SLIT3: variants seen among roughly 807,000 people sequenced by gnomAD.
SLIT3 encodes the protein slit homolog 3 protein.
In SLIT3, 68 loss-of-function variants were observed where a neutral mutation model predicts 184.0. The observed-to-expected ratio is 0.37, with a 90% CI of 0.30 to 0.45. SLIT3 has a LOEUF of 0.45. Ranked by LOEUF, SLIT3 falls within the 20% of genes least tolerant of loss-of-function variation. The pLI, the probability that SLIT3 is intolerant of heterozygous loss-of-function variation, is 1.00. For synonymous variants in SLIT3, 831 were observed against 828.6 expected (o/e 1.00, Z -0.05); for missense variants, 1,707 against 2,026.0 (o/e 0.84, Z 3.02).
intron 3 of SLIT3, among the ~76,000 whole-genome samples, chr5:169,227,798 C>T (rs374004079): frequency 7.2e-5 from 11 of 152,344 alleles, no homozygotes; most frequent in Admixed American, 2.0e-4. Context: ...TACCCCCTTT[C>T]GCAGATGAGG....
intron 4 of SLIT3, among the ~76,000 whole-genome samples, chr5:169,050,152 ACTGT>A (rs1757765677): frequency 6.6e-6 from 1 of 152,178 alleles, no homozygotes; most frequent in South Asian, 2.1e-4. Flanking sequence ...GCTGGGCCAC[ACTGT>A]CTGATGTTAA....
chr5:169,222,308 A>G (rs1764640600), intron 3 of SLIT3, among the ~76,000 whole-genome samples: 1 of 152,226 alleles, frequency 6.6e-6, no homozygotes, highest in Admixed American at 6.5e-5. Context: ...TCTAACATAC[A>G]TCACCAAAAA....
At chr5:168,717,423 G>T (rs1200472903) in intron 23 of SLIT3, among the ~76,000 whole-genome samples, 2 of 151,720 alleles carry the variant, frequency 1.3e-5, no homozygotes, top group African/African-American at 4.9e-5. Flanking sequence ...TGGGTTAGGT[G>T]CCTCTCACTT....
At chr5:169,015,706 G>A (rs571792000) in intron 4 of SLIT3, among the ~76,000 whole-genome samples, 5 of 152,194 alleles carry the variant, frequency 3.3e-5, no homozygotes, top group South Asian at 4.2e-4. Flanking sequence ...TGAGGCAAGA[G>A]AATACAAGAC....
rs772242728 is a variant in SLIT3, at chr5:168,708,095, C to T, written c.2725G>A (p.Val909Met). Reference protein sequence around the residue: ...PTHRFQCKGPVDINIVAKCNA... With the variant: ...PTHRFQCKGPMDINIVAKCNA... ...CATTTGGCCACAATGTTGATGTCCA[C>T]TGGCCCTGGGCAGCAAAACCAGAGT... Residue 909 changes from valine to methionine, a missense_variant, in exon 26 of 36, where the codon GTG becomes ATG. Physicochemically the swap from Val to Met is conservative, Grantham distance 21 (BLOSUM62 1). Coordinates refer to ENST00000519560, the MANE Select transcript of SLIT3 (RefSeq NM_003062.4). The T allele has an allele frequency of 3.1e-6, 5 of 1,614,106 alleles. No homozygotes were observed. Among genetic ancestry groups the T allele is most frequent in the Non-Finnish European group, 4.2e-6 (5 of 1,180,044 alleles).
At chr5:168,753,277 G>A (rs1321941653) in intron 17 of SLIT3, among the ~76,000 whole-genome samples, 179 bp from the exon 18 acceptor site, 4 of 152,254 alleles carry the variant, frequency 2.6e-5, no homozygotes, top group African/African-American at 9.6e-5. Context: ...CTGGGGCTGT[G>A]TGTAAATGTG....
At chr5:168,709,691 G>C (rs1274072744) in intron 25 of SLIT3, among the ~76,000 whole-genome samples, 1 of 152,238 alleles carries the variant, frequency 6.6e-6, no homozygotes, top group African/African-American at 2.4e-5. Context: ...GGTAATTAAA[G>C]TGTATCTATA....
chr5:168,977,978 C>T (rs1386912323), intron 4 of SLIT3, among the ~76,000 whole-genome samples: 3 of 152,166 alleles, frequency 2.0e-5, no homozygotes, highest in African/African-American at 4.8e-5. Flanking sequence ...TCTGTCCTCT[C>T]GCTCCCATTT....
chr5:168,721,173 G>A (rs1762930783), intron 23 of SLIT3, among the ~76,000 whole-genome samples: 1 of 152,140 alleles, frequency 6.6e-6, no homozygotes, highest in Non-Finnish European at 1.5e-5. Flanking sequence ...GGAGTATCTG[G>A]CATCTCTGTT....
At chr5:168,680,132 C>T (rs1420673079) in intron 32 of SLIT3, among the ~76,000 whole-genome samples, 1 of 152,260 alleles carries the variant, frequency 6.6e-6, no homozygotes, top group Admixed American at 6.5e-5. Flanking sequence ...TGGGGCTCCA[C>T]CCTTTAGGCT....
At chr5:169,001,158 T>C (rs1755690724) in intron 4 of SLIT3, among the ~76,000 whole-genome samples, 1 of 152,242 alleles carries the variant, frequency 6.6e-6, no homozygotes, top group Non-Finnish European at 1.5e-5. Context: ...AATGAGCATC[T>C]GATGAGGATG....
At chr5:169,138,080 C>T (rs770650691) in intron 4 of SLIT3, among the ~76,000 whole-genome samples, 1 of 152,196 alleles carries the variant, frequency 6.6e-6, no homozygotes, top group Non-Finnish European at 1.5e-5. Flanking sequence ...CTCTAGGCCT[C>T]AGTTTTCTCA....
At chr5:169,230,386 C>T (rs184263095) in intron 3 of SLIT3, among the ~76,000 whole-genome samples, 2 of 152,304 alleles carry the variant, frequency 1.3e-5, no homozygotes, top group African/African-American at 2.4e-5. Context: ...AGGAACATAA[C>T]GCACATAACA....
At chr5:169,239,021 A>G (rs1457776283) in intron 3 of SLIT3, among the ~76,000 whole-genome samples, 1 of 152,158 alleles carries the variant, frequency 6.6e-6, no homozygotes, top group Non-Finnish European at 1.5e-5. Flanking sequence ...ATGAGATACC[A>G]CAACAGTCTT....
chr5:168,695,458 G>T (rs1315768198), intron 28 of SLIT3, among the ~76,000 whole-genome samples: 2 of 152,176 alleles, frequency 1.3e-5, no homozygotes, highest in Non-Finnish European at 2.9e-5. Context: ...ACACCAAGAA[G>T]AAGGTTATTA....
chr5:168,688,335 G>C (rs569860534), intron 29 of SLIT3, among the ~76,000 whole-genome samples: 2 of 152,254 alleles, frequency 1.3e-5, no homozygotes, highest in East Asian at 3.9e-4. Context: ...GTGAGGGTTG[G>C]GGGGAAGCAA....
At chr5:169,256,086 T>C (rs1456294969) in intron 1 of SLIT3, among the ~76,000 whole-genome samples, 4 of 152,132 alleles carry the variant, frequency 2.6e-5, no homozygotes, top group Non-Finnish European at 5.9e-5. Context: ...GGTAAGTACC[T>C]ATTTAGGTAT....
chr5:169,225,425 G>A (rs1281899759), intron 3 of SLIT3, among the ~76,000 whole-genome samples: 1 of 152,236 alleles, frequency 6.6e-6, no homozygotes, highest in Non-Finnish European at 1.5e-5. Context: ...TTCCAAAGCA[G>A]GACGCTGCTC....
intron 4 of SLIT3, among the ~76,000 whole-genome samples, chr5:169,133,002 G>A (rs1011427103): frequency 6.6e-6 from 1 of 151,996 alleles, no homozygotes; most frequent in Admixed American, 6.6e-5. Flanking sequence ...TTTTCTCTTT[G>A]CAACTACCTC....
Sources: gnomAD v4.1 joint callset for allele counts (sites outside exome capture counted in the v4.1 genomes callset) on GRCh38, gnomAD v4.1.1 for gene constraint, MANE v1.5 for transcripts, NCBI Gene and HGNC (gene_info 2026-07-23, HGNC 2026-07-21) for gene names.